The following SUGCT variants were observed in gnomAD, a reference collection of about 807,000 sequenced individuals.
The protein encoded by SUGCT is succinyl-CoA:glutarate-CoA transferase.
In SUGCT, 41 loss-of-function variants were observed where a neutral mutation model predicts 55.0. The observed-to-expected ratio is 0.74, with a 90% confidence interval of 0.58 to 0.97. The LOEUF is 0.97. Ranked by LOEUF, SUGCT falls within the 50% of genes least tolerant of loss-of-function variation. The pLI is 0.00. For synonymous variants in SUGCT, 187 were observed against 200.4 expected, an observed-to-expected ratio of 0.93 and a Z score of 0.56; for missense variants, 568 against 547.8, an observed-to-expected ratio of 1.04 and a Z score of -0.37.
chr7:40,625,577 T>G (rs1799488405), intron 12 of SUGCT, among the ~76,000 whole-genome samples: 1 of 152,108 alleles, frequency 6.6e-6, no homozygotes, highest in East Asian at 1.9e-4. Context: ...GATTGCTGCT[T>G]CCTTCTTACC....
intron 9 of SUGCT, among the ~76,000 whole-genome samples, chr7:40,438,480 G>A (rs1243284954): frequency 6.6e-6 from 1 of 152,134 alleles, no homozygotes; most frequent in Non-Finnish European, 1.5e-5. Flanking sequence ...GTGCATTTGT[G>A]TTTGGTTTCC....
At chr7:40,249,342 T>TATATATATATATATATATAC (rs1790185802) in intron 7 of SUGCT, among the ~76,000 whole-genome samples, 3 of 113,736 alleles carry the variant, frequency 2.6e-5, no homozygotes. Context: ...TATATATATA[T>TATATATATATATATATATAC]ATATAATTAT....
chr7:40,140,852 A>G (rs1037540527), intron 1 of SUGCT, among the ~76,000 whole-genome samples: 1 of 152,200 alleles, frequency 6.6e-6, no homozygotes. Context: ...TTAGTTCCAT[A>G]TGAACTTTAG....
chr7:40,761,436 A>G (rs1788528508), intron 13 of SUGCT, among the ~76,000 whole-genome samples: 1 of 152,246 alleles, frequency 6.6e-6, no homozygotes, highest in South Asian at 2.1e-4. Context: ...CCCATGATAG[A>G]GCACAGCATT....
At chr7:40,431,724 T>G (rs955106470) in intron 9 of SUGCT, among the ~76,000 whole-genome samples, 3 of 152,162 alleles carry the variant, frequency 2.0e-5, no homozygotes, top group Admixed American at 1.3e-4. Context: ...TCTTTAAAGG[T>G]CAGTTTGTAT....
chr7:40,893,028 T>C, the SUGCT span, among the ~76,000 whole-genome samples: 4 of 152,120 alleles, frequency 2.6e-5, no homozygotes, highest in Admixed American at 1.3e-4. Flanking sequence ...TATATTTATA[T>C]ATATTTATAT....
intron 8 of SUGCT, among the ~76,000 whole-genome samples, chr7:40,300,493 A>G (rs945899725): frequency 1.4e-4 from 21 of 152,250 alleles, no homozygotes; most frequent in African/African-American, 5.1e-4. Context: ...TTGACACAAC[A>G]AAGCAGAGTG....
chr7:40,498,264 G>T (rs564096566), intron 12 of SUGCT, among the ~76,000 whole-genome samples: 1 of 152,134 alleles, frequency 6.6e-6, no homozygotes, highest in Non-Finnish European at 1.5e-5. Flanking sequence ...ATCTAACTGT[G>T]ATGACTTAGT....
chr7:40,535,270 G>A (rs1794298603), intron 12 of SUGCT, among the ~76,000 whole-genome samples: 1 of 152,114 alleles, frequency 6.6e-6, no homozygotes. Flanking sequence ...CGGGTGCTGA[G>A]CATGATACTC....
chr7:40,750,941 C>A lies in SUGCT; in HGVS notation c.1153+1444C>A, dbSNP rs77773695. On this transcript the variant is annotated intron_variant, in intron 13 of 13. Transcript: ENST00000335693. ...GGGTCCTAAAAATACAAAAATAAAC[C>A]AGACAACTTCACCCCTGGCCACCTG... Among the ~76,000 whole-genome samples the A allele has an allele frequency of 5.9e-3, 893 of 152,210 alleles. 14 individuals carry two copies. The highest frequency in any genetic ancestry group is 5.2e-3 in the Non-Finnish European group (351 of 68,012).
intron 12 of SUGCT, among the ~76,000 whole-genome samples, chr7:40,729,468 A>G (rs1786781913): frequency 6.6e-6 from 1 of 152,236 alleles, no homozygotes; most frequent in African/African-American, 2.4e-5. Flanking sequence ...AGAGTCTTGC[A>G]GGACACATGT....
chr7:40,496,097 A>T (rs1223195629), intron 11 of SUGCT, among the ~76,000 whole-genome samples, 187 bp from the exon 12 acceptor site: 1 of 152,150 alleles, frequency 6.6e-6, no homozygotes, highest in Non-Finnish European at 1.5e-5. Flanking sequence ...CTGGGTGGCT[A>T]CTCTTATCCA....
intron 9 of SUGCT, among the ~76,000 whole-genome samples, chr7:40,401,584 G>A (rs1416142947): frequency 2.0e-5 from 3 of 152,190 alleles, no homozygotes; most frequent in Admixed American, 6.5e-5. Flanking sequence ...ATTCTCTGAG[G>A]TTTGCCCTTC....
the SUGCT span, among the ~76,000 whole-genome samples, chr7:40,995,506 T>C: frequency 7.9e-5 from 12 of 152,050 alleles, no homozygotes; most frequent in Admixed American, 7.9e-4. Flanking sequence ...CCGAAAATGA[T>C]AGGTGCTCAA....
At chr7:40,402,499 A>T (rs1001124123) in intron 9 of SUGCT, among the ~76,000 whole-genome samples, 1 of 152,186 alleles carries the variant, frequency 6.6e-6, no homozygotes, top group Admixed American at 6.5e-5. Context: ...CTATGGGGGA[A>T]AATTTATTAT....
At chr7:40,140,296 G>T (rs954229662) in intron 1 of SUGCT, among the ~76,000 whole-genome samples, 1 of 152,040 alleles carries the variant, frequency 6.6e-6, no homozygotes, top group Non-Finnish European at 1.5e-5. Flanking sequence ...TACTGAAAAG[G>T]GTATCCTTTC....
At chr7:40,643,301 G>A (rs925211622) in intron 12 of SUGCT, among the ~76,000 whole-genome samples, 1 of 152,132 alleles carries the variant, frequency 6.6e-6, no homozygotes, top group African/African-American at 2.4e-5. Flanking sequence ...AAACCGTGAT[G>A]GATCCTAGTA....
chr7:40,832,495 A>G (rs930522128), intron 13 of SUGCT, among the ~76,000 whole-genome samples: 7 of 151,558 alleles, frequency 4.6e-5, no homozygotes, highest in African/African-American at 7.3e-5. Context: ...AAGGATAGCT[A>G]TAATGGTTCA....
At chr7:40,235,658 A>T (rs988671161) in intron 6 of SUGCT, among the ~76,000 whole-genome samples, 1 of 152,156 alleles carries the variant, frequency 6.6e-6, no homozygotes, top group Non-Finnish European at 1.5e-5. Flanking sequence ...ATATTTTTGC[A>T]CTCATTCATT....
Sources: gnomAD v4.1 joint callset for allele counts (sites outside exome capture counted in the v4.1 genomes callset) on GRCh38, gnomAD v4.1.1 for gene constraint, MANE v1.5 for transcripts, NCBI Gene and HGNC (gene_info 2026-07-23, HGNC 2026-07-21) for gene names.